SRPK2: variants seen among roughly 807,000 people sequenced by gnomAD.
SRPK2 encodes the protein SRSF protein kinase 2, also known as SFRS protein kinase 2.
Under a neutral mutation model 90.8 loss-of-function variants are expected in SRPK2, and 21 were observed. The observed-to-expected ratio is 0.23, with a 90% confidence interval of 0.16 to 0.33. SRPK2 has a LOEUF of 0.33. Among genes scored for constraint, SRPK2 ranks in the 10% least tolerant of loss-of-function variants. SRPK2 has a pLI of 1.00. For missense variants in SRPK2, 620 were observed against 869.0 expected, an observed-to-expected ratio of 0.71 and a Z score of 3.60; for synonymous variants, 288 against 311.1, an observed-to-expected ratio of 0.93 and a Z score of 0.78.
intron 2 of SRPK2, among the ~76,000 whole-genome samples, chr7:105,321,778 T>TA (rs1470256707): frequency 6.6e-6 from 1 of 152,104 alleles, no homozygotes; most frequent in East Asian, 1.9e-4. Context: ...GATAAAAAGT[T>TA]AAAAACAACA....
chr7:105,174,773 A>T (rs1405890508), intron 3 of SRPK2, among the ~76,000 whole-genome samples: 1 of 152,178 alleles, frequency 6.6e-6, no homozygotes, highest in Non-Finnish European at 1.5e-5. Flanking sequence ...CTCAACAACA[A>T]ATACTCTTTT....
chr7:105,166,135 GT>G, intron 6 of SRPK2, among the ~76,000 whole-genome samples: 1 of 152,284 alleles, frequency 6.6e-6, no homozygotes, highest in East Asian at 1.9e-4. Flanking sequence ...ACTTTCCTCT[GT>G]TAAGAATCAC....
chr7:105,205,772 G>T (rs891819934), intron 2 of SRPK2, among the ~76,000 whole-genome samples: 4 of 152,168 alleles, frequency 2.6e-5, no homozygotes, highest in Non-Finnish European at 5.9e-5. Context: ...GGAGGAAAAG[G>T]TTTGAGATGA....
intron 2 of SRPK2, among the ~76,000 whole-genome samples, chr7:105,239,632 C>CA (rs1800558701): frequency 1.3e-5 from 2 of 151,848 alleles, no homozygotes; most frequent in Non-Finnish European, 2.9e-5. Context: ...GGGATGAGAG[C>CA]AAAAAAATGG....
At chr7:105,243,988 G>A (rs982874686) in intron 2 of SRPK2, among the ~76,000 whole-genome samples, 1 of 152,178 alleles carries the variant, frequency 6.6e-6, no homozygotes, top group African/African-American at 2.4e-5. Flanking sequence ...GTGCCTCCAA[G>A]GTTCAGAACT....
At chr7:105,227,665 T>A (rs944967675) in intron 2 of SRPK2, among the ~76,000 whole-genome samples, 2 of 152,218 alleles carry the variant, frequency 1.3e-5, no homozygotes, top group South Asian at 4.1e-4. Context: ...TAAAACATTC[T>A]GGCAGTTCTA....
At chr7:105,154,548 C>T (rs1480515354) in intron 7 of SRPK2, among the ~76,000 whole-genome samples, 2 of 152,098 alleles carry the variant, frequency 1.3e-5, no homozygotes, top group African/African-American at 4.8e-5. Flanking sequence ...AGAGGACCTG[C>T]GGGGCACCAC....
chr7:105,346,956 A>G (rs1177571744), intron 2 of SRPK2, among the ~76,000 whole-genome samples: 1 of 152,022 alleles, frequency 6.6e-6, no homozygotes, highest in Non-Finnish European at 1.5e-5. Context: ...AGGACTTACT[A>G]AACAGTAAAA....
At chr7:105,205,493 TCATTCTCTCTCTCTCTCTCTCTCTCACAC>T (rs1306969991) in intron 2 of SRPK2, among the ~76,000 whole-genome samples, 150 of 138,702 alleles carry the variant, frequency 1.1e-3, no homozygotes, top group Non-Finnish European at 2.3e-4. Flanking sequence ...AGAATAATAT[TCATTCTCTCTCTCTCTCTCTCTCTCACAC>T]ACACACACAC....
chr7:105,278,491 C>A (rs576535145), intron 2 of SRPK2, among the ~76,000 whole-genome samples: 2 of 140,116 alleles, frequency 1.4e-5, no homozygotes, highest in Non-Finnish European at 3.0e-5. Flanking sequence ...CTGGCCAACA[C>A]GGTGAACCCC....
chr7:105,204,164 C>T (rs1043369416), intron 2 of SRPK2, among the ~76,000 whole-genome samples: 2 of 152,104 alleles, frequency 1.3e-5, no homozygotes, highest in South Asian at 2.1e-4. Flanking sequence ...AACATCACAA[C>T]GATTATAAAA....
At chr7:105,306,333 A>G (rs1343704926) in intron 2 of SRPK2, 1 of 351,802 alleles carries the variant, frequency 2.8e-6, no homozygotes, top group Non-Finnish European at 5.4e-6. Context: ...TCATCTCTGA[A>G]TACCATAGTT....
At chr7:105,331,743 A>G (rs1201467918) in intron 2 of SRPK2, among the ~76,000 whole-genome samples, 2 of 152,208 alleles carry the variant, frequency 1.3e-5, no homozygotes, top group Admixed American at 6.6e-5. Flanking sequence ...GAAAGTTGCA[A>G]TAAATAAGTA....
intron 2 of SRPK2, among the ~76,000 whole-genome samples, chr7:105,224,625 ATAACTT>A (rs1295519001): frequency 6.6e-5 from 10 of 152,114 alleles, no homozygotes; most frequent in Admixed American, 1.3e-4. Context: ...AATAATAATA[ATAACTT>A]TAAGATATTT....
intron 2 of SRPK2, among the ~76,000 whole-genome samples, chr7:105,316,097 T>A (rs1328919258): frequency 2.0e-5 from 3 of 149,734 alleles, no homozygotes; most frequent in African/African-American, 7.4e-5. Flanking sequence ...CGATCTCGGC[T>A]CACTGCAACC....
Position 105,309,157 on chromosome 7 carries a change from C to T in SRPK2, c.71+79491G>A, listed in dbSNP as rs185415627. ...CTCTTAAAATTCCAAACATAAGCAA[C>T]AAAACTCAATCTTTAATTTCAAAAA... On this transcript the variant is annotated intron_variant, in intron 2 of 15. Transcript: ENST00000393651. Among the ~76,000 whole-genome samples the T allele has an allele frequency of 1.7e-4, 26 of 150,262 alleles. No individual in the cohort carries two copies. The East Asian group carries it at 4.9e-3, about 28-fold the overall frequency.
At chr7:105,248,436 TAAAAAAAA>T (rs56040288) in intron 2 of SRPK2, among the ~76,000 whole-genome samples, 1 of 127,874 alleles carries the variant, frequency 7.8e-6, no homozygotes, top group Non-Finnish European at 1.6e-5. Context: ...ACAAAAAATT[TAAAAAAAA>T]AAAAAAAAAA....
intron 3 of SRPK2, among the ~76,000 whole-genome samples, chr7:105,170,708 AC>A: frequency 7.0e-6 from 1 of 143,096 alleles, no homozygotes; most frequent in Non-Finnish European, 1.5e-5. Context: ...GACAAGAAAG[AC>A]AAGAAAGAAA....
chr7:105,155,466 C>T (rs1387837879), intron 7 of SRPK2, among the ~76,000 whole-genome samples: 2 of 152,148 alleles, frequency 1.3e-5, no homozygotes, highest in Admixed American at 6.5e-5. Flanking sequence ...TCTCTTATCC[C>T]AGTGGTTCTC....
Sources: gnomAD v4.1 joint callset for allele counts (sites outside exome capture counted in the v4.1 genomes callset) on GRCh38, gnomAD v4.1.1 for gene constraint, MANE v1.5 for transcripts, NCBI Gene and HGNC (gene_info 2026-07-23, HGNC 2026-07-21) for gene names.